PCNT: variants seen among roughly 807,000 people sequenced by gnomAD.
PCNT encodes the protein kendrin.
Under a neutral mutation model 380.4 loss-of-function variants are expected in PCNT, and 319 were observed. The ratio of observed to expected loss-of-function variants is 0.84; its 90% CI spans 0.77 to 0.92. The LOEUF (loss-of-function observed/expected upper bound fraction) is 0.92. PCNT is among the 40% of genes least tolerant of loss of function. The pLI is 0.00. For missense variants in PCNT, 4,400 were observed against 4,255.3 expected, an observed-to-expected ratio of 1.03 and a Z score of -0.95; for synonymous variants, 1,845 against 1,735.2, an observed-to-expected ratio of 1.06 and a Z score of -1.57.
At chr21:46,325,869 C>G (rs1172831397) in intron 1 of PCNT, among the ~76,000 whole-genome samples, 5 of 152,166 alleles carry the variant, frequency 3.3e-5, no homozygotes, top group African/African-American at 4.8e-5. Flanking sequence ...AATAGAACAT[C>G]TGATTCCATA....
intron 3 of PCNT, among the ~76,000 whole-genome samples, chr21:46,338,770 T>C (rs1232359897): frequency 6.6e-6 from 1 of 150,938 alleles, no homozygotes; most frequent in Non-Finnish European, 1.5e-5. Context: ...CATGCCTGGC[T>C]AATTTTTGTA....
At chr21:46,381,574 G>A (rs959097913) in intron 15 of PCNT, 120 bp from the exon 16 acceptor site, 24 of 909,044 alleles carry the variant, frequency 2.6e-5, no homozygotes, top group East Asian at 1.2e-4. Context: ...GGCTCATCCC[G>A]GCTCTTGGTG....
intron 38 of PCNT, among the ~76,000 whole-genome samples, chr21:46,433,417 G>T (rs1484098222): frequency 1.3e-5 from 2 of 152,108 alleles, no homozygotes; most frequent in African/African-American, 4.8e-5. Context: ...AATAGTCGTA[G>T]TTTTTTTTAT....
rs566658375 is a variant in PCNT at position 46,385,827 on chromosome 21, G to A, written c.3313-5G>A. On this transcript the variant is annotated splice_polypyrimidine_tract_variant and splice_region_variant and intron_variant, in intron 16 of 46. Transcript: ENST00000359568. ...AACGAAAGCTTTAACCATTTTTCTC[G>A]ATAGCTGAAAGACCAGGTTTTATCC... 8.1e-6 allele frequency: 13 copies of A among 1,614,044 alleles called. No individual in the cohort carries two copies. Among genetic ancestry groups the A allele is most frequent in the South Asian group, 3.3e-5 (3 of 91,072 alleles).
chr21:46,400,585 C>G (rs1232775048), intron 25 of PCNT, among the ~76,000 whole-genome samples: 1 of 140,006 alleles, frequency 7.1e-6, no homozygotes, highest in Admixed American at 7.7e-5. Context: ...GTGGCGCAAT[C>G]TCGGCTCACA....
At chr21:46,373,575 G>A (rs1339421448) in intron 15 of PCNT, among the ~76,000 whole-genome samples, 15 of 150,126 alleles carry the variant, frequency 1.0e-4, no homozygotes, top group Non-Finnish European at 2.1e-4. Flanking sequence ...GGGACTACAG[G>A]CATGCGCCAC....
intron 14 of PCNT, among the ~76,000 whole-genome samples, chr21:46,364,348 C>A (rs896634843): frequency 6.9e-6 from 1 of 144,652 alleles, no homozygotes; most frequent in African/African-American, 2.6e-5. Context: ...CGAAGCCCCC[C>A]GGCCACAGTG....
intron 45 of PCNT, 90 bp downstream of exon 45, chr21:46,444,038 C>T (rs1243862365): frequency 8.6e-6 from 12 of 1,401,922 alleles, no homozygotes; most frequent in African/African-American, 1.4e-5. Context: ...TTAGTTCTGG[C>T]TTTGGCCCAG....
In PCNT at chr21:46,388,245, C is replaced by T. The variant is rs965833465; in HGVS notation, c.3465-497C>T. 4.6e-5 allele frequency among the ~76,000 whole-genome samples: 7 copies of T among 151,972 alleles called. No individual in the cohort carries two copies. The highest frequency in any genetic ancestry group is 7.2e-5 in the African/African-American group (3 of 41,382). ...AAAGACAGAAGCATCCCAGACCGCA[C>T]GTCCACGAGGCCTAGCGAGAGGCTG... On this transcript the variant is annotated intron_variant, in intron 17 of 46. Transcript: ENST00000359568. The surrounding 1 kb of genome is among the most constrained non-coding windows in gnomAD (Gnocchi z 4.2).
chr21:46,361,756 C>T (rs1251165156), intron 13 of PCNT, among the ~76,000 whole-genome samples: 3 of 152,164 alleles, frequency 2.0e-5, no homozygotes, highest in Admixed American at 6.5e-5. Flanking sequence ...ACATTTTCTC[C>T]GTTTTTTGAA....
intron 9 of PCNT, among the ~76,000 whole-genome samples, chr21:46,352,792 G>A (rs762089701): frequency 7.2e-5 from 11 of 152,152 alleles, no homozygotes; most frequent in Non-Finnish European, 1.3e-4. Flanking sequence ...CTCGAGGTTG[G>A]TCTGGATCCA....
At chr21:46,351,299 G>A (rs1336944844) in intron 8 of PCNT, 130 bp from the exon 9 acceptor site, 9 of 726,910 alleles carry the variant, frequency 1.2e-5, no homozygotes, top group East Asian at 5.1e-5. Flanking sequence ...GGCTTTCTCC[G>A]AGCTGCAGGT....
At chr21:46,423,513 C>T (rs549862726) in intron 32 of PCNT, among the ~76,000 whole-genome samples, 18 of 151,578 alleles carry the variant, frequency 1.2e-4, no homozygotes, top group Non-Finnish European at 1.8e-4. Context: ...CAATATAAAA[C>T]GTCAAGGAGA....
chr21:46,342,651 C>T (rs1347030890), intron 3 of PCNT, among the ~76,000 whole-genome samples: 30 of 151,704 alleles, frequency 2.0e-4, no homozygotes, highest in Middle Eastern at 3.4e-3. Flanking sequence ...AGTGATTCTT[C>T]TACCTCAGCT....
At chr21:46,331,744 C>T (rs904969955) in intron 2 of PCNT, among the ~76,000 whole-genome samples, 3 of 150,908 alleles carry the variant, frequency 2.0e-5, no homozygotes, top group East Asian at 2.0e-4. Flanking sequence ...CCAGCCTGGG[C>T]GGCAGAGCAA....
At chr21:46,420,185 G>A (rs964967970) in intron 31 of PCNT, among the ~76,000 whole-genome samples, 1 of 152,108 alleles carries the variant, frequency 6.6e-6, no homozygotes, top group African/African-American at 2.4e-5. Flanking sequence ...CTGCGCGGTC[G>A]GGGTGGAGGA....
chr21:46,396,387 G>A lies in PCNT; in HGVS notation c.4217-878G>A, dbSNP rs115097719. Among the ~76,000 whole-genome samples the A allele has an allele frequency of 6.3e-3, 959 of 152,326 alleles. 11 individuals are homozygous for A. The highest frequency in any genetic ancestry group is 0.022 in the African/African-American group (922 of 41,572). On this transcript the variant is annotated intron_variant, in intron 21 of 46. Coordinates refer to ENST00000359568, the MANE Select transcript of PCNT (RefSeq NM_006031.6). ...AGCCTTGCACACTGTATCCTCCGGA[G>A]TGGAGGGCTGGATCATCCTGGGGCA...
chr21:46,349,739 A>G lies in PCNT; in HGVS notation c.1263A>G (p.Glu421=). ...AAGCAGCCATTGAGAAGTTACGTGA[A>G]GACCTGCAGTCCGAGCACGGCCGGT... The part of the protein sequence containing the change: ...HHQAAIEKLR[E]DLQSEHGRCL... The change falls in exon 8 of 47, where the codon GAA becomes GAG. Residue 421 remains glutamate, a synonymous_variant. Coordinates refer to ENST00000359568, the MANE Select transcript of PCNT (RefSeq NM_006031.6). The G allele has an allele frequency of 6.2e-7, 1 of 1,614,074 alleles. No homozygotes were observed. The highest frequency in any genetic ancestry group is 1.1e-5 in the South Asian group (1 of 91,082).
intron 11 of PCNT, among the ~76,000 whole-genome samples, chr21:46,354,455 G>C (rs1250681523): frequency 6.6e-6 from 1 of 152,234 alleles, no homozygotes; most frequent in Non-Finnish European, 1.5e-5. Flanking sequence ...TTGCTTCCGT[G>C]CTGCGACTTC....
Sources: allele counts gnomAD v4.1 joint callset (sites outside exome capture counted in the v4.1 genomes callset), GRCh38; gene constraint gnomAD v4.1.1; non-coding constraint Gnocchi (gnomAD v3.1); transcripts MANE v1.5; gene names NCBI Gene and HGNC (gene_info 2026-07-23, HGNC 2026-07-21).